Variants in MSRA observed in about 807,000 individuals in gnomAD.
MSRA encodes the protein methionine sulfoxide reductase A, also known as mitochondrial peptide methionine sulfoxide reductase.
In MSRA, 54 loss-of-function variants were observed where a neutral mutation model predicts 31.3. The ratio of observed to expected loss-of-function variants is 1.73; its 90% CI spans 1.39 to 2.17. The LOEUF is 2.17. MSRA is among the 30% of genes most tolerant of loss of function. The probability of loss-of-function intolerance (pLI) is 0.00; values close to 1 mark genes in which losing one functional copy is unlikely to be tolerated. For synonymous variants in MSRA, 169 were observed against 116.5 expected (o/e 1.45, Z -2.90); for missense variants, 507 against 300.9 (o/e 1.69, Z -5.07).
chr8:10,238,162 C>T (rs181996390), intron 2 of MSRA, among the ~76,000 whole-genome samples: 12 of 152,272 alleles, frequency 7.9e-5, no homozygotes, highest in Non-Finnish European at 1.6e-4. Context: ...AAATAGCAGG[C>T]ACATTCTTGT....
At chr8:10,109,679 G>A (rs1800140631) in intron 1 of MSRA, among the ~76,000 whole-genome samples, 1 of 152,130 alleles carries the variant, frequency 6.6e-6, no homozygotes, top group Non-Finnish European at 1.5e-5. Context: ...TGGAATTTAA[G>A]TGTTTTGAAA....
chr8:10,238,357 C>G (rs548179101), intron 2 of MSRA, among the ~76,000 whole-genome samples: 96 of 152,284 alleles, frequency 6.3e-4, no homozygotes, highest in Non-Finnish European at 1.1e-3. Flanking sequence ...TTTTATAGCT[C>G]TTGTTACCTT....
At chr8:10,146,040 T>C (rs1803111417) in intron 1 of MSRA, among the ~76,000 whole-genome samples, 1 of 152,240 alleles carries the variant, frequency 6.6e-6, no homozygotes, top group Non-Finnish European at 1.5e-5. Flanking sequence ...TTTCAGTACC[T>C]ACTACATGCA....
intron 1 of MSRA, among the ~76,000 whole-genome samples, chr8:10,157,773 G>A (rs1047233784): frequency 4.0e-5 from 6 of 151,324 alleles, no homozygotes; most frequent in African/African-American, 1.2e-4. Context: ...CTCTCTGCCC[G>A]CCCTCTTCTT....
At chr8:10,221,098 G>T (rs1315074212) in intron 2 of MSRA, among the ~76,000 whole-genome samples, 1 of 152,202 alleles carries the variant, frequency 6.6e-6, no homozygotes, top group Non-Finnish European at 1.5e-5. Context: ...ATAGCATGGA[G>T]TCTGTGTGGG....
At chr8:10,355,252 G>A (rs1157622395) in intron 5 of MSRA, among the ~76,000 whole-genome samples, 1 of 152,196 alleles carries the variant, frequency 6.6e-6, no homozygotes. Context: ...GCTGAGTATT[G>A]TTTCATGTTT....
chr8:10,361,263 C>G (rs559130270), intron 5 of MSRA, among the ~76,000 whole-genome samples: 1 of 152,206 alleles, frequency 6.6e-6, no homozygotes, highest in Non-Finnish European at 1.5e-5. Context: ...TAGCCAAGCT[C>G]AGTGACTGCC....
At chr8:10,221,940 G>A (rs889144724) in intron 2 of MSRA, among the ~76,000 whole-genome samples, 3 of 152,176 alleles carry the variant, frequency 2.0e-5, no homozygotes, top group African/African-American at 7.2e-5. Context: ...AGCAAGGGAG[G>A]AGGAGGAGCA....
chr8:10,386,807 A>G (rs74593043), intron 5 of MSRA, among the ~76,000 whole-genome samples: 3,096 of 149,864 alleles, frequency 0.021, 56 homozygotes, highest in African/African-American at 0.045. Flanking sequence ...TGAACTAGGG[A>G]TTCCTCCTCC....
At chr8:10,098,054 G>C (rs1343901870) in intron 1 of MSRA, among the ~76,000 whole-genome samples, 3 of 152,070 alleles carry the variant, frequency 2.0e-5, no homozygotes, top group Non-Finnish European at 2.9e-5. Flanking sequence ...GTGTGATTAA[G>C]AAGTTGCGTT....
chr8:10,095,160 A>G (rs1177646807), intron 1 of MSRA, among the ~76,000 whole-genome samples: 1 of 152,250 alleles, frequency 6.6e-6, no homozygotes, highest in Non-Finnish European at 1.5e-5. Context: ...TTATAAAAAG[A>G]AATACAGTAT....
chr8:10,337,047 C>A (rs1189061892), intron 5 of MSRA: 1 of 152,256 alleles, frequency 6.6e-6, no homozygotes, highest in Non-Finnish European at 1.5e-5. Context: ...CTAATCCATG[C>A]CTTGTAATAG....
intron 5 of MSRA, among the ~76,000 whole-genome samples, chr8:10,402,920 C>T (rs1807555219): frequency 6.6e-6 from 1 of 152,162 alleles, no homozygotes; most frequent in South Asian, 2.1e-4. Flanking sequence ...GCATTTACTT[C>T]TGAGAAACAT....
chr8:10,320,332 G>T (rs534164642), intron 5 of MSRA: 3 of 163,054 alleles, frequency 1.8e-5, no homozygotes, highest in African/African-American at 7.2e-5. Context: ...GCCAGGCATG[G>T]TGGCCTGCAC....
At chr8:10,191,406 C>T (rs938324981) in intron 1 of MSRA, among the ~76,000 whole-genome samples, 4 of 152,150 alleles carry the variant, frequency 2.6e-5, no homozygotes, top group African/African-American at 7.2e-5. Flanking sequence ...AAACATTTTT[C>T]TTCATTGTTT....
At position 10,384,540 on chromosome 8, in the gene MSRA, C is replaced by T. The variant is rs377269646; in HGVS notation, c.544-43608C>T. Among the ~76,000 whole-genome samples the T allele has an allele frequency of 3.5e-4, 54 of 152,274 alleles. No homozygotes were observed. In the East Asian group the frequency reaches 6.2e-3, roughly 17 times the overall value. ...GGCTGCTCATTGGAATAACCAGTGG[C>T]GGTTTGAAAACTCTTTCACCCACAT... On this transcript the variant is annotated intron_variant, in intron 5 of 5. Coordinates refer to ENST00000317173, the MANE Select transcript of MSRA (RefSeq NM_012331.5).
intron 5 of MSRA, among the ~76,000 whole-genome samples, chr8:10,425,835 T>C (rs528435892): frequency 7.9e-5 from 12 of 152,228 alleles, no homozygotes; most frequent in Non-Finnish European, 1.6e-4. Context: ...GATCCGATTT[T>C]TTATTTGCTA....
chr8:10,165,470 G>A (rs1469202794), intron 1 of MSRA, among the ~76,000 whole-genome samples: 1 of 152,156 alleles, frequency 6.6e-6, no homozygotes, highest in East Asian at 1.9e-4. Flanking sequence ...GTTTTCTAAT[G>A]GCTTCCTGAC....
At chr8:10,216,908 T>C (rs1810045923) in intron 2 of MSRA, among the ~76,000 whole-genome samples, 1 of 152,228 alleles carries the variant, frequency 6.6e-6, no homozygotes, top group South Asian at 2.1e-4. Flanking sequence ...TCCATTCTTT[T>C]GGGTGTATAC....
Sources: allele counts gnomAD v4.1 joint callset (sites outside exome capture counted in the v4.1 genomes callset), GRCh38; gene constraint gnomAD v4.1.1; transcripts MANE v1.5; gene names NCBI Gene and HGNC (gene_info 2026-07-23, HGNC 2026-07-21).